PHF8: variants seen among roughly 807,000 people sequenced by gnomAD.
PHF8 encodes PHD finger protein 8, also known as histone lysine demethylase PHF8.
In PHF8, 9 loss-of-function variants were observed where a neutral mutation model predicts 74.4. That is an observed-to-expected ratio of 0.12 (90% CI 0.07 to 0.21). The LOEUF (loss-of-function observed/expected upper bound fraction) is 0.21, where lower values mean the gene tolerates loss of function less well. PHF8 is among the 10% of genes least tolerant of loss of function. The pLI is 1.00. For synonymous variants in PHF8, 311 were observed against 316.6 expected (o/e 0.98, Z 0.19); for missense variants, 478 against 816.6 (o/e 0.59, Z 5.05).
Position 54,006,710 on chromosome X carries a change from T to G in PHF8, c.947-4028A>C, listed in dbSNP as rs375331832. ...CAGCACTTTGGGAGGCCAAGGCAGGTGGATCACCTGAGGTCTAGAGTTCGA... is the reference window on the plus strand; with the variant it reads ...CAGCACTTTGGGAGGCCAAGGCAGGGGGATCACCTGAGGTCTAGAGTTCGA... On this transcript the variant is annotated intron_variant, in intron 8 of 21. Coordinates refer to ENST00000338154, the MANE Select transcript of PHF8 (RefSeq NM_015107.3). Among the ~76,000 whole-genome samples, 16 of 110,640 alleles carry G rather than the reference T, an allele frequency of 1.4e-4. No homozygotes were observed. In the South Asian group the frequency reaches 6.1e-3, roughly 42 times the overall value.
At chrX:54,008,612 G>C (rs1347699781) in intron 8 of PHF8, among the ~76,000 whole-genome samples, 1 of 108,161 alleles carries the variant, frequency 9.2e-6, no homozygotes, top group African/African-American at 3.4e-5. Context: ...AATCGCTTCA[G>C]CTTGGGAGGT....
Position 53,947,560 on chromosome X carries a change from T to C in PHF8, c.2540-3317A>G, listed in dbSNP as rs141012083. ...TCAGTCATGGATACTTGGATCTCTTTTATATTGTTCTCTATAGTTTTGTAT... is the reference window on the plus strand; with the variant it reads ...TCAGTCATGGATACTTGGATCTCTTCTATATTGTTCTCTATAGTTTTGTAT... On this transcript the variant is annotated intron_variant, in intron 19 of 21. Transcript: ENST00000338154. 5.7e-3 allele frequency among the ~76,000 whole-genome samples: 646 copies of C among 112,367 alleles called. 3 individuals carry two copies. The highest frequency in any genetic ancestry group is 0.02 in the African/African-American group (628 of 30,975).
chrX:53,976,223 T>A (rs971315291), intron 18 of PHF8, among the ~76,000 whole-genome samples: 1 of 109,612 alleles, frequency 9.1e-6, no homozygotes, highest in African/African-American at 3.3e-5. Flanking sequence ...GAGAACCACT[T>A]GAACCTGGGA....
At chrX:53,979,547 T>G (rs782001153) in intron 18 of PHF8, among the ~76,000 whole-genome samples, 4 of 110,895 alleles carry the variant, frequency 3.6e-5, no homozygotes, top group Non-Finnish European at 5.7e-5. Flanking sequence ...AAAAAACTAG[T>G]TTTTGAAAAG....
Position 53,985,058 on chromosome X carries a change from T to TA in PHF8, c.2298dup (p.Asn767Ter). On this transcript the variant is annotated frameshift_variant, in exon 18 of 22. Transcript: ENST00000338154. LOFTEE classifies it high-confidence loss of function. ...GGGGTGCGCTGGGAAGCAGGACTGT[T>TA]AGACACTGTGCCCAGCCCACTGCTG... 1 of 1,211,616 alleles carries TA rather than the reference T, an allele frequency of 8.3e-7. No individual in the cohort carries two copies. Among genetic ancestry groups the TA allele is most frequent in the South Asian group, 1.8e-5 (1 of 56,969 alleles).
chrX:53,945,556 T>C (rs1439686933), intron 19 of PHF8, among the ~76,000 whole-genome samples: 1 of 110,303 alleles, frequency 9.1e-6, no homozygotes, highest in Non-Finnish European at 1.9e-5. Context: ...AAAAAGTTAA[T>C]CTCCCTGAAC....
At chrX:54,000,719 A>G (rs782572193) in intron 10 of PHF8, among the ~76,000 whole-genome samples, 7 of 112,894 alleles carry the variant, frequency 6.2e-5, no homozygotes, top group Non-Finnish European at 1.1e-4. Context: ...TCAGACAAGG[A>G]AAGAGGAAAC....
At chrX:53,972,194 G>A (rs1425976951) in intron 18 of PHF8, among the ~76,000 whole-genome samples, 3 of 108,823 alleles carry the variant, frequency 2.8e-5, no homozygotes, top group African/African-American at 1.0e-4. Context: ...ATAGTGGTAC[G>A]CATCTGTAGT....
At chrX:54,032,641 T>C (rs1456109875) in intron 2 of PHF8, among the ~76,000 whole-genome samples, 4 of 111,184 alleles carry the variant, frequency 3.6e-5, no homozygotes, top group African/African-American at 1.3e-4. Context: ...GACCATGTAT[T>C]ATCACTTGAC....
In PHF8 at chrX:53,958,027, A is replaced by G. The variant is rs969809243; in HGVS notation, c.2539+4817T>C. 1.9e-4 allele frequency among the ~76,000 whole-genome samples: 20 copies of G among 105,825 alleles called. No individual in the cohort carries two copies. The Middle Eastern group carries it at 0.024, about 126-fold the overall frequency. 91.9% of individuals were successfully genotyped at this position (105,825 alleles called of 115,157 possible). On this transcript the variant is annotated intron_variant, in intron 19 of 21. Coordinates refer to ENST00000338154, the MANE Select transcript of PHF8 (RefSeq NM_015107.3). The stretch of plus-strand genomic sequence containing the variant: ...AACTTTTCTGGAAAACACTTCTGCA[A>G]TAAGTATCAAGAACTATTTTTTTTT...
rs782201981 is a variant in PHF8, at chrX:53,982,171, C to T, written c.2443+2743G>A. On this transcript the variant is annotated intron_variant, in intron 18 of 21. Coordinates refer to ENST00000338154, the MANE Select transcript of PHF8 (RefSeq NM_015107.3). ...CAGGTCAATGTGATTTGACTGCTCA[C>T]AGTAGAGTGGGTGGCCAGGGGAACC... 3.7e-4 allele frequency among the ~76,000 whole-genome samples: 41 copies of T among 112,102 alleles called. 1 individual carries two copies. Among genetic ancestry groups the T allele is most frequent in the Admixed American group, 3.4e-3 (36 of 10,552 alleles).
At chrX:53,981,511 G>GTT (rs370701125) in intron 18 of PHF8, among the ~76,000 whole-genome samples, 1 of 107,311 alleles carries the variant, frequency 9.3e-6, no homozygotes, top group Non-Finnish European at 1.9e-5. Context: ...ATTTCCCTCT[G>GTT]TTTTTTTTTT....
intron 14 of PHF8, among the ~76,000 whole-genome samples, chrX:53,989,689 G>A (rs1203186995): frequency 1.8e-5 from 2 of 111,780 alleles, no homozygotes; most frequent in Non-Finnish European, 3.8e-5. Context: ...AAAGAAACAT[G>A]TTTTTGGTAA....
At chrX:53,978,132 G>A (rs993669579) in intron 18 of PHF8, among the ~76,000 whole-genome samples, 2 of 108,367 alleles carry the variant, frequency 1.8e-5, no homozygotes, top group African/African-American at 3.4e-5. Flanking sequence ...ATTTTTAGTA[G>A]AGACAGGGTT....
intron 17 of PHF8, 28 bp from the exon 18 acceptor site, chrX:53,985,255 G>GAAATAC: frequency 8.9e-7 from 1 of 1,121,510 alleles, no homozygotes; most frequent in Non-Finnish European, 1.2e-6. Flanking sequence ...GAAATACTGA[G>GAAATAC]AGAGTTGTTT....
intron 18 of PHF8, among the ~76,000 whole-genome samples, chrX:53,968,252 C>T (rs1417962711): frequency 9.0e-6 from 1 of 111,449 alleles, no homozygotes; most frequent in African/African-American, 3.3e-5. Context: ...AGAAAGGAAT[C>T]ATTACAACTG....
intron 19 of PHF8, among the ~76,000 whole-genome samples, chrX:53,957,227 G>A (rs7053281): frequency 0.12 from 13,470 of 108,479 alleles, 882 homozygotes; most frequent in African/African-American, 0.24. Context: ...GCGGTGGTGC[G>A]TGCCTGTAGT....
chrX:53,966,474 T>C (rs1425404531), intron 18 of PHF8, among the ~76,000 whole-genome samples: 1 of 112,806 alleles, frequency 8.9e-6, no homozygotes, highest in Non-Finnish European at 1.9e-5. Flanking sequence ...CCGCGAGTGA[T>C]CCGCCAGCCT....
chrX:53,938,622 T>C lies in PHF8; in HGVS notation c.*536A>G, dbSNP rs2064702479. On this transcript the variant is annotated 3_prime_UTR_variant, in exon 22 of 22. Coordinates refer to ENST00000338154, the MANE Select transcript of PHF8 (RefSeq NM_015107.3). ...CTTCCTCTTCATTTCCATGAAGCAT[T>C]TGGCAAGAGGGGGCAGAGACCACAG... The C allele has an allele frequency of 5.3e-6, 4 of 757,072 alleles. No individual in the cohort carries two copies. In the South Asian group the frequency reaches 2.0e-4, roughly 38 times the overall value. 62.4% of individuals were successfully genotyped at this position (757,072 alleles called of 1,213,427 possible).
Sources: allele counts gnomAD v4.1 joint callset (sites outside exome capture counted in the v4.1 genomes callset), GRCh38; gene constraint gnomAD v4.1.1; transcripts MANE v1.5; gene names NCBI Gene and HGNC (gene_info 2026-07-23, HGNC 2026-07-21).